GABPA: variants seen among roughly 807,000 people sequenced by gnomAD.
The protein encoded by GABPA is GA binding protein transcription factor subunit alpha.
Under a neutral mutation model 59.4 loss-of-function variants are expected in GABPA, and 4 were observed. That is an observed-to-expected ratio of 0.07 (90% CI 0.03 to 0.15). The LOEUF is 0.15. Among genes scored for constraint, GABPA ranks in the 10% least tolerant of loss-of-function variants. The pLI is 1.00. For synonymous variants in GABPA, 164 were observed against 183.1 expected (o/e 0.90, Z 0.84); for missense variants, 251 against 543.8 (o/e 0.46, Z 5.36).
chr21:25,736,647 G>C (rs1256099817), intron 1 of GABPA, among the ~76,000 whole-genome samples: 1 of 152,146 alleles, frequency 6.6e-6, no homozygotes, highest in Non-Finnish European at 1.5e-5. Context: ...ATCAGACCGA[G>C]TACTAAATTA....
At chr21:25,754,259 A>G (rs894637174) in intron 5 of GABPA, among the ~76,000 whole-genome samples, 2 of 151,086 alleles carry the variant, frequency 1.3e-5, no homozygotes, top group Non-Finnish European at 2.9e-5. Flanking sequence ...TAACTATTAG[A>G]AAATTTAAAA....
intron 5 of GABPA, chr21:25,752,485 G>C: frequency 2.3e-6 from 1 of 432,850 alleles, no homozygotes; most frequent in South Asian, 4.3e-5. Flanking sequence ...GTTGAAGAGA[G>C]AGAAGATAGA....
intron 2 of GABPA, among the ~76,000 whole-genome samples, chr21:25,742,376 G>GA (rs11384762): frequency 1 from 152,349 of 152,352 alleles, 76,173 homozygotes; most frequent in Middle Eastern, 1. Context: ...AAGTACTAGA[G>GA]ATCTCTGTGG....
intron 1 of GABPA, among the ~76,000 whole-genome samples, chr21:25,736,990 G>C (rs1029955779): frequency 3.3e-5 from 5 of 152,182 alleles, no homozygotes; most frequent in Admixed American, 3.3e-4. Flanking sequence ...AATGTTCTAA[G>C]CTCTGTAATA....
chr21:25,756,039 C>T (rs1380807945), intron 5 of GABPA, among the ~76,000 whole-genome samples: 1 of 152,124 alleles, frequency 6.6e-6, no homozygotes, highest in Non-Finnish European at 1.5e-5. Context: ...TACTCATGTT[C>T]CTATGATTTT....
intron 7 of GABPA, chr21:25,763,317 C>T: frequency 3.2e-6 from 1 of 313,378 alleles, no homozygotes; most frequent in Non-Finnish European, 6.3e-6. Context: ...CCGCTTATGC[C>T]ATAAGCTTTT....
Position 25,769,480 on chromosome 21 carries a change from TAGTTTAAC to T in GABPA, c.*252_*259del. On this transcript the variant is annotated 3_prime_UTR_variant, in exon 10 of 10. Transcript: ENST00000400075. ...GTGTGAAGGCAGGTTCATTGTGGAA[TAGTTTAAC>T]AGTCAGGAAGGCTAAACTGGTCAGT... is the stretch of plus-strand genomic sequence containing the variant. 2.4e-6 allele frequency: 1 copy of T among 411,568 alleles called. No homozygotes were observed. The allele number at this position is 411,568 out of a possible 1,614,324, so 25.5% of individuals were successfully genotyped here.
At chr21:25,762,430 A>T in intron 7 of GABPA, 65 bp downstream of exon 7, 1 of 1,172,236 alleles carries the variant, frequency 8.5e-7, no homozygotes, top group Non-Finnish European at 1.2e-6. Flanking sequence ...ACCGCAAGGT[A>T]ATAAAAAGGA....
intron 9 of GABPA, among the ~76,000 whole-genome samples, chr21:25,768,677 C>T (rs1298316616): frequency 5.9e-5 from 9 of 152,012 alleles, no homozygotes; most frequent in Admixed American, 5.9e-4. Context: ...CTCCAAAGCT[C>T]TTGTTCTTAG....
intron 5 of GABPA, among the ~76,000 whole-genome samples, chr21:25,754,833 C>G (rs901446033): frequency 9.9e-5 from 15 of 152,058 alleles, no homozygotes; most frequent in Non-Finnish European, 1.8e-4. Context: ...AGGTGGGTCA[C>G]TTGAGGCCAG....
chr21:25,768,431 A>G (rs961052422), intron 9 of GABPA, among the ~76,000 whole-genome samples: 2 of 152,012 alleles, frequency 1.3e-5, no homozygotes, highest in Non-Finnish European at 2.9e-5. Flanking sequence ...AGTGGAATAT[A>G]TGTATTAATT....
intron 1 of GABPA, among the ~76,000 whole-genome samples, chr21:25,737,500 TTTG>T (rs2035109195): frequency 6.7e-6 from 1 of 149,882 alleles, no homozygotes; most frequent in African/African-American, 2.4e-5. Flanking sequence ...GGCATGGGTT[TTTG>T]TTTTGTTTTG....
At chr21:25,751,312 T>C (rs1009692715) in intron 4 of GABPA, among the ~76,000 whole-genome samples, 2 of 151,332 alleles carry the variant, frequency 1.3e-5, no homozygotes, top group Non-Finnish European at 3.0e-5. Flanking sequence ...TAAATCAAAA[T>C]CAGAATTTTG....
chr21:25,736,239 C>T (rs1337064739), intron 1 of GABPA, among the ~76,000 whole-genome samples: 1 of 152,124 alleles, frequency 6.6e-6, no homozygotes, highest in Admixed American at 6.5e-5. Flanking sequence ...AGGACAATGC[C>T]TAATATTGCA....
chr21:25,736,926 T>C (rs1230512109), intron 1 of GABPA, among the ~76,000 whole-genome samples: 1 of 152,250 alleles, frequency 6.6e-6, no homozygotes, highest in Non-Finnish European at 1.5e-5. Flanking sequence ...TAGGAAAATG[T>C]GCAGTTAATC....
chr21:25,748,966 TA>T, intron 3 of GABPA, 69 bp from the exon 4 acceptor site: 3 of 942,078 alleles, frequency 3.2e-6, no homozygotes, highest in Non-Finnish European at 5.2e-6. Context: ...CCATTTATTC[TA>T]AACCAAAGGC....
At chr21:25,741,521 C>G in intron 1 of GABPA, 52 bp from the exon 2 acceptor site, 1 of 940,568 alleles carries the variant, frequency 1.1e-6, no homozygotes. Context: ...TCTTGTGTGT[C>G]ATTTCGTTTA....
At chr21:25,757,862 T>G (rs1381044914) in intron 5 of GABPA, 148 bp from the exon 6 acceptor site, 1 of 389,482 alleles carries the variant, frequency 2.6e-6, no homozygotes, top group Non-Finnish European at 4.5e-6. Context: ...TTTTTTTTTT[T>G]TTTTTTTTTT....
chr21:25,763,970 T>C (rs1463370352), intron 7 of GABPA, among the ~76,000 whole-genome samples: 1 of 152,152 alleles, frequency 6.6e-6, no homozygotes, highest in African/African-American at 2.4e-5. Context: ...ACTAAGTTAT[T>C]TCCAAACAAG....
Sources: gnomAD v4.1 joint callset for allele counts (sites outside exome capture counted in the v4.1 genomes callset) on GRCh38, gnomAD v4.1.1 for gene constraint, MANE v1.5 for transcripts, NCBI Gene and HGNC (gene_info 2026-07-23, HGNC 2026-07-21) for gene names.